The following SCTR variants were observed in gnomAD, a reference collection of about 807,000 sequenced individuals.
The protein encoded by SCTR is pancreatic secretin receptor.
In SCTR, 56 loss-of-function variants were observed where a neutral mutation model predicts 60.8. The observed-to-expected ratio is 0.92, with a 90% CI of 0.74 to 1.15. SCTR has a LOEUF of 1.15. Ranked by LOEUF, SCTR falls within the 50% of genes most tolerant of loss-of-function variation. The pLI, the probability that SCTR is intolerant of heterozygous loss-of-function variation, is 0.00. For synonymous variants in SCTR, 202 were observed against 217.0 expected, an observed-to-expected ratio of 0.93 and a Z score of 0.61; for missense variants, 562 against 550.4, an observed-to-expected ratio of 1.02 and a Z score of -0.21.
At position 119,524,370 on chromosome 2, in the gene SCTR, C is replaced by T. The variant is rs1246259702; in HGVS notation, c.-144G>A. On this transcript the variant is annotated 5_prime_UTR_variant, in exon 1 of 13. Transcript: ENST00000019103. ...AGCCATGGCTGAGCCACCCGACCTG[C>T]GGCGGGCCCCGGGACTGCTCCTCCT... 4.2e-6 allele frequency: 2 copies of T among 474,778 alleles called. No homozygotes were observed. The highest frequency in any genetic ancestry group is 5.4e-5 in the South Asian group (1 of 18,362). 29.4% of individuals were successfully genotyped at this position (474,778 alleles called of 1,614,324 possible).
At chr2:119,478,206 T>C (rs1458456974) in intron 3 of SCTR, among the ~76,000 whole-genome samples, 2 of 152,256 alleles carry the variant, frequency 1.3e-5, no homozygotes, top group African/African-American at 4.8e-5. Flanking sequence ...GGAAAAGTCC[T>C]GTGATCTGCA....
chr2:119,465,527 T>A (rs1049006484), intron 5 of SCTR, among the ~76,000 whole-genome samples: 1 of 152,156 alleles, frequency 6.6e-6, no homozygotes, highest in Admixed American at 6.5e-5. Context: ...CTGTTACCTA[T>A]CTCATAGCAT....
chr2:119,493,703 G>A (rs572723387), intron 2 of SCTR, among the ~76,000 whole-genome samples: 52 of 146,202 alleles, frequency 3.6e-4, no homozygotes, highest in African/African-American at 1.2e-3. Flanking sequence ...GTGCAATGGT[G>A]CCATTTCAAC....
intron 7 of SCTR, among the ~76,000 whole-genome samples, chr2:119,460,208 A>T (rs923893315): frequency 3.3e-5 from 5 of 151,972 alleles, no homozygotes; most frequent in African/African-American, 1.2e-4. Context: ...AAGGCAGCAC[A>T]GGGCATTCCT....
At chr2:119,488,557 G>A (rs535904385) in intron 2 of SCTR, among the ~76,000 whole-genome samples, 106 of 152,324 alleles carry the variant, frequency 7.0e-4, no homozygotes, top group Middle Eastern at 3.4e-3. Flanking sequence ...CGGTCAACCT[G>A]GAATTGAGAC....
intron 8 of SCTR, 88 bp from the exon 9 acceptor site, chr2:119,452,167 TG>T: frequency 1.3e-6 from 1 of 785,454 alleles, no homozygotes; most frequent in Non-Finnish European, 2.2e-6. Flanking sequence ...AGGTGGCCCT[TG>T]GTATGAAGGA....
intron 2 of SCTR, among the ~76,000 whole-genome samples, chr2:119,488,788 A>C (rs1316257312): frequency 6.6e-6 from 1 of 152,172 alleles, no homozygotes; most frequent in African/African-American, 2.4e-5. Flanking sequence ...TCATTCACTT[A>C]TTCTCCACAA....
chr2:119,504,726 A>C (rs1326124472), intron 1 of SCTR, among the ~76,000 whole-genome samples: 2 of 152,216 alleles, frequency 1.3e-5, no homozygotes, highest in African/African-American at 4.8e-5. Flanking sequence ...CAAATTAGAC[A>C]CAATAAAAAT....
At chr2:119,512,888 C>G (rs1455542884) in intron 1 of SCTR, among the ~76,000 whole-genome samples, 2 of 152,204 alleles carry the variant, frequency 1.3e-5, no homozygotes, top group Non-Finnish European at 2.9e-5. Flanking sequence ...AGTTGTACGT[C>G]TTAAGTTTGT....
chr2:119,440,422 A>G (rs1023711994), intron 12 of SCTR, among the ~76,000 whole-genome samples, 165 bp from the exon 13 acceptor site: 1 of 152,160 alleles, frequency 6.6e-6, no homozygotes, highest in Non-Finnish European at 1.5e-5. Context: ...CCCAATGTCC[A>G]GTAGCTACTG....
intron 6 of SCTR, among the ~76,000 whole-genome samples, chr2:119,463,509 C>T (rs1683700327): frequency 6.6e-6 from 1 of 152,158 alleles, no homozygotes; most frequent in African/African-American, 2.4e-5. Context: ...CATGGTATCA[C>T]ACAGCCATTG....
At chr2:119,465,970 C>T in intron 4 of SCTR, 84 bp from the exon 5 acceptor site, 3 of 916,200 alleles carry the variant, frequency 3.3e-6, no homozygotes, top group East Asian at 4.9e-5. Context: ...CTTCAGGCAG[C>T]TTGAACCCAC....
intron 7 of SCTR, among the ~76,000 whole-genome samples, chr2:119,454,002 A>G (rs1683273192): frequency 2.0e-5 from 3 of 152,232 alleles, no homozygotes. Flanking sequence ...AAGCCCCTCT[A>G]AAATGATAAT....
chr2:119,441,713 C>T (rs879281975), intron 11 of SCTR, 114 bp from the exon 12 acceptor site: 3 of 883,296 alleles, frequency 3.4e-6, no homozygotes, highest in Non-Finnish European at 5.5e-6. Flanking sequence ...AGGCTCATTT[C>T]CCCACCTCTC....
intron 7 of SCTR, among the ~76,000 whole-genome samples, chr2:119,453,943 T>C (rs918045839): frequency 6.6e-6 from 1 of 152,246 alleles, no homozygotes; most frequent in African/African-American, 2.4e-5. Context: ...TCCTGACTTC[T>C]AGTTAAACGT....
intron 1 of SCTR, among the ~76,000 whole-genome samples, chr2:119,518,217 C>A (rs755632563): frequency 1.4e-4 from 21 of 152,162 alleles, no homozygotes; most frequent in Admixed American, 2.6e-4. Flanking sequence ...GATAACACAG[C>A]TGACTAAGAC....
chr2:119,502,635 T>C (rs559762902), intron 1 of SCTR, among the ~76,000 whole-genome samples: 3 of 152,168 alleles, frequency 2.0e-5, no homozygotes, highest in South Asian at 2.1e-4. Flanking sequence ...CTTCCTTCTA[T>C]AGGTCAATGG....
chr2:119,461,791 G>A (rs200432285), intron 7 of SCTR, 56 bp downstream of exon 7: 43 of 1,451,692 alleles, frequency 3.0e-5, no homozygotes, highest in African/African-American at 2.6e-4. Context: ...TCCGACTCTC[G>A]ACTCAGCACC....
intron 4 of SCTR, among the ~76,000 whole-genome samples, chr2:119,468,402 G>A (rs765040020): frequency 5.3e-5 from 8 of 152,146 alleles, no homozygotes; most frequent in Non-Finnish European, 8.8e-5. Context: ...TTCCAAACCC[G>A]GACTGTGACT....
Sources: allele counts gnomAD v4.1 joint callset (sites outside exome capture counted in the v4.1 genomes callset), GRCh38; gene constraint gnomAD v4.1.1; transcripts MANE v1.5; gene names NCBI Gene and HGNC (gene_info 2026-07-23, HGNC 2026-07-21).